Variants in TNXB observed in about 807,000 individuals in gnomAD.
TNXB encodes tenascin-X.
TNXB carries 183 observed loss-of-function variants against 340.5 expected under a neutral mutation model. The ratio of observed to expected loss-of-function variants is 0.54; its 90% CI spans 0.48 to 0.61. The LOEUF (loss-of-function observed/expected upper bound fraction) is 0.61. TNXB is among the 20% of genes least tolerant of loss of function. TNXB has a pLI of 0.00. For synonymous variants in TNXB, 2,121 were observed against 2,314.5 expected (o/e 0.92, Z 2.40); for missense variants, 4,613 against 5,446.4 (o/e 0.85, Z 4.82).
rs1779264565 is a variant in TNXB, at chr6:32,078,857, C to T, written c.4375+176G>A. 3.3e-5 allele frequency among the ~76,000 whole-genome samples: 5 copies of T among 152,224 alleles called. No individual in the cohort carries two copies. The South Asian group carries it at 1.0e-3, about 32-fold the overall frequency. ...AAACAGAGGTGCAGAAAGTTTAAAA[C>T]TTGCTCAGGGCCATGAAAGCTGGTG... On this transcript the variant is annotated intron_variant, in intron 11 of 43. Coordinates refer to ENST00000644971, the MANE Select transcript of TNXB (RefSeq NM_001365276.2).
rs769091143 is a variant in TNXB at position 32,069,069 on chromosome 6, C to T, written c.5655G>A (p.Gly1885=). The T allele has an allele frequency of 6.2e-7, 1 of 1,612,744 alleles. No homozygotes were observed. The highest frequency in any genetic ancestry group is 1.7e-5 in the Admixed American group (1 of 60,016). The change falls in exon 16 of 44, where the codon GGG becomes GGA. Residue 1885 remains glycine (G), a synonymous_variant. Transcript: ENST00000644971. This position sits in a 1 kb window ranked among gnomAD's most constrained non-coding sequence, Gnocchi z 6.2. ...PTPPAPEPHL[G]ELTVEEATSH... ...ACGTGGCCTCCTCCACTGTCAACTC[C>T]CCGAGGTGGGGCTCAGGCGCTGGAG...
rs758596001 is a variant in TNXB at position 32,087,845 on chromosome 6, G to A, written c.2779+940C>T. ...CGCCGTGGGGGCTGGGACAGGCTTG[G>A]CCTGGGCGGGGACTCCTCCTCCCTT... is the stretch of plus-strand genomic sequence containing the variant. On this transcript the variant is annotated intron_variant, in intron 6 of 43. Transcript: ENST00000644971. This position sits in a 1 kb window ranked among gnomAD's most constrained non-coding sequence, Gnocchi z 9.0. The A allele has an allele frequency of 4.1e-6, 2 of 488,948 alleles. No individual in the cohort carries two copies. The highest frequency in any genetic ancestry group is 8.1e-6 in the Non-Finnish European group (2 of 246,466). The allele number at this position is 488,948 out of a possible 1,614,324, so 30.3% of individuals were successfully genotyped here. A position where few individuals can be genotyped will look rare whatever the true frequency, so the allele number is the denominator to read the frequency against.
rs185126861 is a variant in TNXB at position 32,090,826 on chromosome 6, A to C, written c.2359-1447T>G. 2.6e-5 allele frequency among the ~76,000 whole-genome samples: 4 copies of C among 152,064 alleles called. No homozygotes were observed. Among genetic ancestry groups the C allele is most frequent in the Admixed American group, 2.6e-4 (4 of 15,284 alleles). On this transcript the variant is annotated intron_variant, in intron 4 of 43. Coordinates refer to ENST00000644971, the MANE Select transcript of TNXB (RefSeq NM_001365276.2). The surrounding 1 kb of genome is among the most constrained non-coding windows in gnomAD (Gnocchi z 4.3). ...CCATGAAATCCTTACCCTTCCCAGA[A>C]TTTATTTGTTCATTTTCTCTGTGTG...
rs552798448 is a variant in TNXB, at chr6:32,097,396, G to A, written c.457C>T (p.Arg153Cys). The A allele has an allele frequency of 2.2e-5, 35 of 1,610,074 alleles. No homozygotes were observed. Among genetic ancestry groups the A allele is most frequent in the South Asian group, 9.9e-5 (9 of 91,064 alleles). ...CCTGGCTCACAGGAACAGGTGCAGC[G>A]GCTCAGATCAAACACACCATGGAGA... The part of the protein sequence containing the change: ...CSLHGVFDLS[R>C]CTCSCEPGWG... The change falls in exon 3 of 44, where the codon CGC becomes TGC. Residue 153 changes from arginine (R) to cysteine (C), a missense_variant. Physicochemically the swap from Arg to Cys is radical, Grantham distance 180. This residue lies in a region of TNXB where 4,327 missense variants were observed against 4,859.4 expected (regional missense o/e 0.89). Transcript: ENST00000644971. This position sits in a 1 kb window ranked among gnomAD's most constrained non-coding sequence, Gnocchi z 5.9.
At chr6:32,043,967 G>A in intron 34 of TNXB, 40 bp downstream of exon 34, 1 of 1,607,234 alleles carries the variant, frequency 6.2e-7, no homozygotes, top group Non-Finnish European at 8.5e-7. Flanking sequence ...GCAGGGGGGA[G>A]AGGAAATGCG....
rs1778854834 is a variant in TNXB, at chr6:32,072,812, G to A, written c.4682-514C>T. ...TAAAAATACAAAAAATTAGCTGGGT[G>A]TGGTGGCACGTGCCCGTAATCCCAG... On this transcript the variant is annotated intron_variant, in intron 12 of 43. Coordinates refer to ENST00000644971, the MANE Select transcript of TNXB (RefSeq NM_001365276.2). The surrounding 1 kb of genome is among the most constrained non-coding windows in gnomAD (Gnocchi z 4.4). Among the ~76,000 whole-genome samples, 1 of 152,180 alleles carries A rather than the reference G, an allele frequency of 6.6e-6. No homozygotes were observed. Among genetic ancestry groups the A allele is most frequent in the Non-Finnish European group, 1.5e-5 (1 of 68,038 alleles).
chr6:32,069,940 T>A lies in TNXB; in HGVS notation c.5279-79A>T. On this transcript the variant is annotated intron_variant, in intron 14 of 43. Transcript: ENST00000644971. The surrounding 1 kb of genome is among the most constrained non-coding windows in gnomAD (Gnocchi z 6.2). ...GACCTCGACGGGCAGGATTGAGAGGTCTGGAGACAGGGCTTTGCGTGGCTG... is the reference window on the plus strand; with the variant it reads ...GACCTCGACGGGCAGGATTGAGAGGACTGGAGACAGGGCTTTGCGTGGCTG... 2 of 1,446,148 alleles carry A rather than the reference T, an allele frequency of 1.4e-6. No homozygotes were observed. The highest frequency in any genetic ancestry group is 1.4e-5 in the South Asian group (1 of 71,542). The allele number at this position is 1,446,148 out of a possible 1,614,324, so 89.6% of individuals were successfully genotyped here.
intron 3 of TNXB, 149 bp downstream of exon 3, chr6:32,095,462 C>CA: frequency 9.8e-7 from 1 of 1,021,806 alleles, no homozygotes; most frequent in Non-Finnish European, 1.4e-6. Context: ...TGGAAAGCCC[C>CA]ACCCCTGTGG....
chr6:32,084,552 C>G lies in TNXB; in HGVS notation c.3306G>C (p.Gln1102His). The G allele has an allele frequency of 6.2e-7, 1 of 1,608,882 alleles. No individual in the cohort carries two copies. The highest frequency in any genetic ancestry group is 8.5e-7 in the Non-Finnish European group (1 of 1,178,680). ...FVIQYKDRDG[Q>H]PQVVPVEGPQ... Reference sequence around the variant, plus strand: ...GTCCTTCCACGGGCACCACCTGGGGCTGCCCGTCCCTGTCTTTGTACTGGA... The same window carrying G: ...GTCCTTCCACGGGCACCACCTGGGGGTGCCCGTCCCTGTCTTTGTACTGGA... The change falls in exon 8 of 44, where the codon CAG (glutamine) becomes CAC (histidine). Residue 1102 changes from glutamine to histidine, a missense_variant. Transcript: ENST00000644971. This position sits in a 1 kb window ranked among gnomAD's most constrained non-coding sequence, Gnocchi z 5.5.
At position 32,051,210 on chromosome 6, in the gene TNXB, G is replaced by C. The variant is rs1777265525; in HGVS notation, c.9116-889C>G. The stretch of plus-strand genomic sequence containing the variant: ...CTGACTGTCCCCTGAGTATCCACAG[G>C]TAGGGTGGTTTAGGTATTCCTGCCT... On this transcript the variant is annotated intron_variant, in intron 26 of 43. Transcript: ENST00000644971. The surrounding 1 kb of genome is among the most constrained non-coding windows in gnomAD (Gnocchi z 4.7). Among the ~76,000 whole-genome samples the C allele has an allele frequency of 6.6e-6, 1 of 152,210 alleles. No individual in the cohort carries two copies. Among genetic ancestry groups the C allele is most frequent in the South Asian group, 2.1e-4 (1 of 4,822 alleles).
At chr6:32,071,578 C>CTT (rs10694435) in intron 13 of TNXB, among the ~76,000 whole-genome samples, 35,631 of 139,772 alleles carry the variant, frequency 0.25, 5,614 homozygotes, top group Admixed American at 0.37. Context: ...GCTTTTCTTT[C>CTT]TTTTTTTTTT....
rs1168479879 is a variant in TNXB, at chr6:32,081,988, A to G, written c.3736+48T>C. The G allele has an allele frequency of 7.7e-6, 12 of 1,549,522 alleles. No individual in the cohort carries two copies. The highest frequency in any genetic ancestry group is 1.2e-5 in the South Asian group (1 of 83,654). ...GGTTTTGGGCTGAAGGGAAGTGTGCATGGGGCTGAGAAGGGGTCACATGGG... is the reference window on the plus strand; with the variant it reads ...GGTTTTGGGCTGAAGGGAAGTGTGCGTGGGGCTGAGAAGGGGTCACATGGG... On this transcript the variant is annotated intron_variant, in intron 9 of 43. Transcript: ENST00000644971. This position sits in a 1 kb window ranked among gnomAD's most constrained non-coding sequence, Gnocchi z 5.1.
At position 32,079,811 on chromosome 6, in the gene TNXB, A is replaced by T. The variant is rs1779334954; in HGVS notation, c.4043-446T>A. ...CCCTCCCTCCCCTTTAACCCCAAGG[A>T]ATGAATTGCTAAGGCAGGGCTCCAG... On this transcript the variant is annotated intron_variant, in intron 10 of 43. Transcript: ENST00000644971. The surrounding 1 kb of genome is among the most constrained non-coding windows in gnomAD (Gnocchi z 7.1). Among the ~76,000 whole-genome samples, 1 of 152,160 alleles carries T rather than the reference A, an allele frequency of 6.6e-6. No individual in the cohort carries two copies. The highest frequency in any genetic ancestry group is 1.5e-5 in the Non-Finnish European group (1 of 68,028).
Position 32,070,785 on chromosome 6 carries a change from G to A in TNXB, c.4991-371C>T, listed in dbSNP as rs537819238. ...CACACGATTTGGCCGTGATTTGGCCGGCCCCTGAGGAAAGGGGTGATTTGG... is the reference window on the plus strand; with the variant it reads ...CACACGATTTGGCCGTGATTTGGCCAGCCCCTGAGGAAAGGGGTGATTTGG... On this transcript the variant is annotated intron_variant, in intron 13 of 43. Transcript: ENST00000644971. The surrounding 1 kb of genome is among the most constrained non-coding windows in gnomAD (Gnocchi z 6.0). 4.6e-5 allele frequency among the ~76,000 whole-genome samples: 7 copies of A among 152,294 alleles called. No individual in the cohort carries two copies. The highest frequency in any genetic ancestry group is 2.1e-4 in the South Asian group (1 of 4,820).
Position 32,067,645 on chromosome 6 carries a change from T to G in TNXB, c.6544+16A>C. The G allele has an allele frequency of 6.2e-7, 1 of 1,610,578 alleles. No individual in the cohort carries two copies. ...TGCTAAGACCCAACCCAGAGGGCTC[T>G]GCAGTGCACACTCACCCGTGACGCC... On this transcript the variant is annotated intron_variant, in intron 18 of 43. Coordinates refer to ENST00000644971, the MANE Select transcript of TNXB (RefSeq NM_001365276.2). The surrounding 1 kb of genome is among the most constrained non-coding windows in gnomAD (Gnocchi z 4.2).
chr6:32,053,443 CAGG>C lies in TNXB; in HGVS notation c.8733_8735del (p.Asn2911_Leu2912delinsLys). On this transcript the variant is annotated inframe_deletion, in exon 25 of 44. Coordinates refer to ENST00000644971, the MANE Select transcript of TNXB (RefSeq NM_001365276.2). ...CGCGCTGGCCACCGTGGAAGCCGTA[CAGG>C]TTCATCTTGTACTTGTGGTCTGGCT... is the stretch of plus-strand genomic sequence containing the variant. The C allele has an allele frequency of 6.2e-7, 1 of 1,613,226 alleles. No individual in the cohort carries two copies. The highest frequency in any genetic ancestry group is 2.2e-5 in the East Asian group (1 of 44,868).
rs1280017138 is a variant in TNXB, at chr6:32,056,039, T to C, written c.8279A>G (p.Gln2760Arg). 1.9e-6 allele frequency: 3 copies of C among 1,612,864 alleles called. No homozygotes were observed. The Admixed American group carries it at 5.0e-5, about 27-fold the overall frequency. ...CACGGTGAAGGAGTCGAAGTGGCCC[T>C]GGGGGATGGTCCAGGAGAGGCTCAG... ...DSLSLSWTIP[Q>R]GHFDSFTVQY... The change falls in exon 24 of 44, where the codon CAG becomes CGG. Residue 2760 changes from glutamine (Q) to arginine (R), a missense_variant. Physicochemically the swap from Gln to Arg is conservative, Grantham distance 43 (BLOSUM62 1). Coordinates refer to ENST00000644971, the MANE Select transcript of TNXB (RefSeq NM_001365276.2).
intron 31 of TNXB, chr6:32,045,830 C>T (rs1198919973): frequency 2.2e-5 from 25 of 1,111,150 alleles, no homozygotes; most frequent in Non-Finnish European, 2.8e-5. Context: ...CCTGACTCAT[C>T]CACGGCAGGG....
rs142409885 is a variant in TNXB at position 32,065,013 on chromosome 6, G to T, written c.6649C>A (p.Pro2217Thr). 1.9e-3 allele frequency: 3,101 copies of T among 1,611,186 alleles called. 6 individuals carry two copies. Among genetic ancestry groups the T allele is most frequent in the Non-Finnish European group, 2.4e-3 (2,861 of 1,179,122 alleles). ...SDSLSLSWTV[P>T]EGQFDHFLVQ... ...AAGAAATGGTCAAACTGGCCCTCGG[G>T]GACTGTCCAGGAGAGGCTGAGGGAG... The change falls in exon 19 of 44, where the codon CCC becomes ACC. Residue 2217 changes from proline (P) to threonine (T), a missense_variant. Around this residue, in one of 7 missense-constraint regions of TNXB, gnomAD observed 4,327 missense variants for 4,859.4 expected, o/e 0.89. Coordinates refer to ENST00000644971, the MANE Select transcript of TNXB (RefSeq NM_001365276.2).
Sources: allele counts gnomAD v4.1 joint callset (sites outside exome capture counted in the v4.1 genomes callset), GRCh38; gene constraint gnomAD v4.1.1; regional missense constraint gnomAD v4.1.1; non-coding constraint Gnocchi (gnomAD v3.1); transcripts MANE v1.5; gene names NCBI Gene and HGNC (gene_info 2026-07-23, HGNC 2026-07-21).